LINGO2: variants seen among roughly 807,000 people sequenced by gnomAD.
LINGO2 encodes the protein leucine-rich repeat and immunoglobulin-like domain-containing nogo receptor-interacting protein 2.
Under a neutral mutation model 30.6 loss-of-function variants are expected in LINGO2, and 14 were observed. That is an observed-to-expected ratio of 0.46 (90% CI 0.30 to 0.72). The LOEUF (loss-of-function observed/expected upper bound fraction) is 0.72, where lower values mean the gene tolerates loss of function less well. LINGO2 is among the 30% of genes least tolerant of loss of function. The pLI is 0.07. For synonymous variants in LINGO2, 317 were observed against 288.5 expected, an observed-to-expected ratio of 1.10 and a Z score of -1.00; for missense variants, 729 against 751.7, an observed-to-expected ratio of 0.97 and a Z score of 0.35.
the LINGO2 span, among the ~76,000 whole-genome samples, chr9:28,778,859 C>A: frequency 1.3e-5 from 2 of 152,078 alleles, no homozygotes; most frequent in Non-Finnish European, 2.9e-5. Context: ...AAAAAAGTTA[C>A]ATTTAAAAAC....
At chr9:28,277,525 C>T (rs866093332) in intron 4 of LINGO2, among the ~76,000 whole-genome samples, 3 of 151,954 alleles carry the variant, frequency 2.0e-5, no homozygotes, top group African/African-American at 7.3e-5. Context: ...AGAAATGGGC[C>T]GGGTGCAGTA....
chr9:28,291,820 A>G (rs573772441), intron 4 of LINGO2, among the ~76,000 whole-genome samples: 13 of 152,226 alleles, frequency 8.5e-5, no homozygotes, highest in Non-Finnish European at 1.8e-4. Context: ...TTTGAGAAAA[A>G]GTAATTCAAC....
intron 4 of LINGO2, among the ~76,000 whole-genome samples, chr9:28,220,601 A>G (rs907359025): frequency 4.6e-5 from 7 of 152,216 alleles, no homozygotes; most frequent in Non-Finnish European, 7.3e-5. Flanking sequence ...TCAACTTTAA[A>G]AAGGATGCCT....
chr9:28,726,443 A>G, the LINGO2 span, among the ~76,000 whole-genome samples: 1 of 152,182 alleles, frequency 6.6e-6, no homozygotes, highest in African/African-American at 2.4e-5. Flanking sequence ...AGCTCCTTGG[A>G]TTTAAGCAGG....
At chr9:28,357,508 C>A (rs1056093155) in intron 3 of LINGO2, among the ~76,000 whole-genome samples, 1 of 151,866 alleles carries the variant, frequency 6.6e-6, no homozygotes, top group African/African-American at 2.4e-5. Flanking sequence ...AAATACAATC[C>A]TAAATTTGTT....
the LINGO2 span, among the ~76,000 whole-genome samples, chr9:28,837,037 T>C: frequency 6.6e-6 from 1 of 152,208 alleles, no homozygotes; most frequent in Non-Finnish European, 1.5e-5. Context: ...GAGAAAAATG[T>C]CCTTTGTACA....
intron 2 of LINGO2, among the ~76,000 whole-genome samples, chr9:28,431,421 A>G (rs562064393): frequency 6.6e-6 from 1 of 152,360 alleles, no homozygotes; most frequent in African/African-American, 2.4e-5. Flanking sequence ...GCGCAATCAA[A>G]GATAAATCAC....
intron 2 of LINGO2, among the ~76,000 whole-genome samples, chr9:28,404,192 T>C (rs1822395281): frequency 2.0e-5 from 3 of 152,148 alleles, no homozygotes; most frequent in African/African-American, 7.2e-5. Context: ...CAAAGCTGTC[T>C]TTTTTGTTTC....
chr9:28,743,332 C>T, the LINGO2 span, among the ~76,000 whole-genome samples: 3 of 151,960 alleles, frequency 2.0e-5, no homozygotes, highest in Admixed American at 2.0e-4. Context: ...TATCCCTCCC[C>T]TAGGCCCCCA....
rs188643535 is a variant in LINGO2, at chr9:28,322,368, T to C, written c.-245-27002A>G. ...AAAATATTACCTGTCACAACTAAAA[T>C]ATAAGATTCACTGAGAATAGTAAGC... On this transcript the variant is annotated intron_variant, in intron 3 of 5. Coordinates refer to ENST00000379992, the Ensembl canonical transcript of LINGO2. Among the ~76,000 whole-genome samples the C allele has an allele frequency of 2.6e-5, 4 of 151,554 alleles. No individual in the cohort carries two copies. In the East Asian group the frequency reaches 7.8e-4, roughly 30 times the overall value.
chr9:28,335,818 T>A (rs1431463803), intron 3 of LINGO2, among the ~76,000 whole-genome samples: 3 of 152,188 alleles, frequency 2.0e-5, no homozygotes, highest in Admixed American at 2.0e-4. Flanking sequence ...TACAACAGTT[T>A]ATTTAACTAT....
At chr9:28,951,563 C>A in the LINGO2 span, among the ~76,000 whole-genome samples, 1 of 152,110 alleles carries the variant, frequency 6.6e-6, no homozygotes, top group Non-Finnish European at 1.5e-5. Context: ...AGGTGCCACC[C>A]CCAGGTGGCT....
intron 4 of LINGO2, among the ~76,000 whole-genome samples, chr9:28,246,068 A>G (rs549369344): frequency 1.3e-5 from 2 of 152,306 alleles, no homozygotes; most frequent in South Asian, 4.1e-4. Context: ...ACAGTAACCA[A>G]AACACTATGG....
the LINGO2 span, among the ~76,000 whole-genome samples, chr9:29,200,024 C>G: frequency 2.0e-5 from 3 of 151,916 alleles, no homozygotes; most frequent in African/African-American, 7.3e-5. Context: ...TCACATATCA[C>G]CAAGAGAATC....
At chr9:28,448,804 G>C (rs1334763473) in intron 2 of LINGO2, among the ~76,000 whole-genome samples, 1 of 152,012 alleles carries the variant, frequency 6.6e-6, no homozygotes, top group East Asian at 1.9e-4. Flanking sequence ...GCAAATAGAG[G>C]AAAGAGTGTG....
At chr9:28,386,719 A>C (rs10968547) in intron 2 of LINGO2, among the ~76,000 whole-genome samples, 3 of 151,984 alleles carry the variant, frequency 2.0e-5, no homozygotes, top group Non-Finnish European at 2.9e-5. Context: ...AAAATAAACT[A>C]TTCTAGATAG....
chr9:28,069,538 G>T (rs2133165877), intron 4 of LINGO2, among the ~76,000 whole-genome samples: 1 of 152,254 alleles, frequency 6.6e-6, no homozygotes, highest in Non-Finnish European at 1.5e-5. Context: ...ACTCAGCCTA[G>T]AAACTGCTTT....
chr9:29,028,419 T>TGG, the LINGO2 span, among the ~76,000 whole-genome samples: 735 of 63,868 alleles, frequency 0.012, 6 homozygotes, highest in Middle Eastern at 0.045. Flanking sequence ...GGGTAGTGTG[T>TGG]GGGGGGGGGT....
chr9:29,070,534 T>A, the LINGO2 span, among the ~76,000 whole-genome samples: 1 of 152,018 alleles, frequency 6.6e-6, no homozygotes, highest in Non-Finnish European at 1.5e-5. Flanking sequence ...AAGGCTACCA[T>A]CGCAGGGTAG....
Sources: gnomAD v4.1 joint callset for allele counts (sites outside exome capture counted in the v4.1 genomes callset) on GRCh38, gnomAD v4.1.1 for gene constraint, MANE v1.5 for transcripts, NCBI Gene and HGNC (gene_info 2026-07-23, HGNC 2026-07-21) for gene names.